ADAM23: variants seen among roughly 807,000 people sequenced by gnomAD.
ADAM23 encodes the protein disintegrin and metalloproteinase domain-containing protein 23.
A neutral mutation model predicts 120.1 loss-of-function variants in ADAM23; 33 were observed. That is an observed-to-expected ratio of 0.27 (90% CI 0.21 to 0.37). The LOEUF is 0.37. Among genes scored for constraint, ADAM23 ranks in the 10% least tolerant of loss-of-function variants. The pLI is 1.00. For synonymous variants in ADAM23, 367 were observed against 375.2 expected (o/e 0.98, Z 0.25); for missense variants, 862 against 1,058.2 (o/e 0.81, Z 2.57).
chr2:206,493,887 G>C (rs1229940702), intron 3 of ADAM23, among the ~76,000 whole-genome samples: 1 of 152,172 alleles, frequency 6.6e-6, no homozygotes, highest in Non-Finnish European at 1.5e-5. Context: ...CATGTGACCA[G>C]AAGGATCTCA....
At chr2:206,463,195 T>TA (rs1410095118) in intron 2 of ADAM23, among the ~76,000 whole-genome samples, 1 of 152,232 alleles carries the variant, frequency 6.6e-6, no homozygotes, top group African/African-American at 2.4e-5. Context: ...ACTTTGTAGA[T>TA]ATGACTAAAT....
At chr2:206,525,558 T>C (rs554452431) in intron 3 of ADAM23, among the ~76,000 whole-genome samples, 4 of 152,278 alleles carry the variant, frequency 2.6e-5, no homozygotes, top group African/African-American at 9.6e-5. Context: ...CCAGAATTAC[T>C]CCAAAGAGAA....
intron 2 of ADAM23, among the ~76,000 whole-genome samples, chr2:206,478,660 G>A (rs1255247911): frequency 6.6e-6 from 1 of 152,118 alleles, no homozygotes; most frequent in Non-Finnish European, 1.5e-5. Flanking sequence ...CATGTCACGT[G>A]AAGCCTGCCA....
At chr2:206,517,596 C>G (rs186750101) in intron 3 of ADAM23, among the ~76,000 whole-genome samples, 1 of 152,108 alleles carries the variant, frequency 6.6e-6, no homozygotes, top group Non-Finnish European at 1.5e-5. Flanking sequence ...CTGGTATGAT[C>G]TCTAGCCTTT....
At chr2:206,588,068 C>T (rs760820973) in intron 19 of ADAM23, 23 bp from the exon 20 acceptor site, 4 of 1,613,732 alleles carry the variant, frequency 2.5e-6, no homozygotes, top group Non-Finnish European at 3.4e-6. Context: ...CTGTGTGCCT[C>T]ACATGTGTGC....
Position 206,560,080 on chromosome 2 carries a change from G to A in ADAM23, c.1131G>A (p.Gln377=). The part of the protein sequence containing the change: ...QMLHEFSKYR[Q]RIKQHADAVH... ...TCCATGAGTTCTCAAAATACCGGCAGCGCATTAAGCAGCATGCTGATGCTG... is the reference window on the plus strand; with the variant it reads ...TCCATGAGTTCTCAAAATACCGGCAACGCATTAAGCAGCATGCTGATGCTG... Residue 377 remains glutamine, a synonymous_variant, in exon 11 of 26, where the codon CAG becomes CAA. Transcript: ENST00000264377. The A allele has an allele frequency of 6.2e-7, 1 of 1,614,140 alleles. No homozygotes were observed. The highest frequency in any genetic ancestry group is 8.5e-7 in the Non-Finnish European group (1 of 1,179,986).
intron 3 of ADAM23, among the ~76,000 whole-genome samples, chr2:206,493,841 A>G (rs1484246750): frequency 6.6e-6 from 1 of 152,148 alleles, no homozygotes; most frequent in African/African-American, 2.4e-5. Context: ...TTTTTGCCCA[A>G]GTGAGTTCAC....
intron 3 of ADAM23, among the ~76,000 whole-genome samples, chr2:206,516,917 T>C (rs1228736857): frequency 1.3e-5 from 2 of 152,124 alleles, no homozygotes; most frequent in African/African-American, 4.8e-5. Context: ...GGCAGACAAC[T>C]TCTTCTGACC....
intron 3 of ADAM23, among the ~76,000 whole-genome samples, chr2:206,504,249 C>T (rs944089434): frequency 3.3e-5 from 5 of 151,900 alleles, no homozygotes; most frequent in African/African-American, 9.7e-5. Context: ...TTTTAATATG[C>T]AAAATTATTG....
intron 25 of ADAM23, among the ~76,000 whole-genome samples, 173 bp downstream of exon 25, chr2:206,610,173 T>G (rs956381249): frequency 6.6e-6 from 1 of 152,204 alleles, no homozygotes; most frequent in Non-Finnish European, 1.5e-5. Context: ...GACCCTCAAC[T>G]GTCATTTTCA....
intron 2 of ADAM23, among the ~76,000 whole-genome samples, chr2:206,474,113 G>T (rs972147203): frequency 3.3e-5 from 5 of 151,178 alleles, no homozygotes; most frequent in African/African-American, 1.2e-4. Flanking sequence ...AATACAAATT[G>T]TTGCTGGTTA....
intron 3 of ADAM23, among the ~76,000 whole-genome samples, chr2:206,498,305 G>A (rs1350270406): frequency 6.6e-6 from 1 of 151,996 alleles, no homozygotes; most frequent in Non-Finnish European, 1.5e-5. Flanking sequence ...AAACAGAGAT[G>A]TAGACCAATG....
intron 2 of ADAM23, among the ~76,000 whole-genome samples, chr2:206,465,204 A>AT (rs1695520077): frequency 6.6e-6 from 1 of 151,840 alleles, no homozygotes; most frequent in Non-Finnish European, 1.5e-5. Context: ...ATGCCTGGCT[A>AT]TTTTTTTCTA....
chr2:206,547,602 T>C, intron 7 of ADAM23, 101 bp downstream of exon 7: 2 of 983,764 alleles, frequency 2.0e-6, no homozygotes, highest in Non-Finnish European at 1.5e-6. Context: ...GGAATTGGTC[T>C]GATATCAGGG....
At chr2:206,594,590 A>G in intron 22 of ADAM23, 147 bp from the exon 23 acceptor site, 1 of 788,504 alleles carries the variant, frequency 1.3e-6, no homozygotes. Flanking sequence ...AGGTAGGGAA[A>G]GGGGAAGAAG....
chr2:206,559,213 G>A (rs1176532476), intron 10 of ADAM23, among the ~76,000 whole-genome samples: 1 of 152,140 alleles, frequency 6.6e-6, no homozygotes, highest in African/African-American at 2.4e-5. Context: ...CAAAGTGCTG[G>A]GATTACAGGC....
rs889775752 is a variant in ADAM23, at chr2:206,615,194, T to C, written c.2451-2385T>C. On this transcript the variant is annotated intron_variant, in intron 25 of 25. Transcript: ENST00000264377. ...GTAGATGTTATGTGTATAATGTATA[T>C]TGTAGACAAAAGTCCAGATTATTTC... Among the ~76,000 whole-genome samples the C allele has an allele frequency of 2.6e-5, 4 of 152,208 alleles. No homozygotes were observed. In the East Asian group the frequency reaches 7.7e-4, roughly 29 times the overall value.
chr2:206,603,714 C>T (rs574601162), intron 24 of ADAM23, among the ~76,000 whole-genome samples: 7 of 152,194 alleles, frequency 4.6e-5, no homozygotes, highest in Non-Finnish European at 7.3e-5. Context: ...CTAAAACCTA[C>T]ATGATTTTGT....
intron 21 of ADAM23, 140 bp from the exon 22 acceptor site, chr2:206,592,477 C>CA: frequency 9.3e-7 from 1 of 1,074,768 alleles, no homozygotes; most frequent in Non-Finnish European, 1.3e-6. Flanking sequence ...TATCACCTAC[C>CA]AATGATATAT....
Sources: gnomAD v4.1 joint callset for allele counts (sites outside exome capture counted in the v4.1 genomes callset) on GRCh38, gnomAD v4.1.1 for gene constraint, MANE v1.5 for transcripts, NCBI Gene and HGNC (gene_info 2026-07-23, HGNC 2026-07-21) for gene names.